Variants in KLF12 observed in about 807,000 individuals in gnomAD.
KLF12 encodes the protein Krueppel-like factor 12.
Under a neutral mutation model 37.8 loss-of-function variants are expected in KLF12, and 9 were observed. The ratio of observed to expected loss-of-function variants is 0.24; its 90% CI spans 0.14 to 0.42. The LOEUF is 0.42. KLF12 is among the 10% of genes least tolerant of loss of function. The probability of loss-of-function intolerance (pLI) is 1.00; values close to 1 mark genes in which losing one functional copy is unlikely to be tolerated. For synonymous variants in KLF12, 208 were observed against 202.1 expected (o/e 1.03, Z -0.25); for missense variants, 411 against 516.0 (o/e 0.80, Z 1.97).
At chr13:74,222,039 G>A in the KLF12 span, among the ~76,000 whole-genome samples, 1 of 152,130 alleles carries the variant, frequency 6.6e-6, no homozygotes, top group African/African-American at 2.4e-5. Context: ...CTGAATAGTT[G>A]AGTGAGAGGA....
rs71115626 is a variant in KLF12, at chr13:73,957,015, A to AGAAAGGAAAG, written c.34-12955_34-12946dup. The stretch of plus-strand genomic sequence containing the variant: ...GGGAAAGGAGGGAAAGGAAAGGAAA[A>AGAAAGGAAAG]GAAAGGAAAGGAAAGGAAAGGAAAG... On this transcript the variant is annotated intron_variant, in intron 2 of 7. Coordinates refer to ENST00000377669, the MANE Select transcript of KLF12 (RefSeq NM_007249.5). Among the ~76,000 whole-genome samples the AGAAAGGAAAG allele has an allele frequency of 3.1e-3, 270 of 87,436 alleles. 4 individuals are homozygous for AGAAAGGAAAG. The highest frequency in any genetic ancestry group is 9.3e-3 in the South Asian group (23 of 2,472). The allele number at this position is 87,436 out of a possible 152,430, so 57.4% of individuals were successfully genotyped here. A position where few individuals can be genotyped will look rare whatever the true frequency, so the allele number is the denominator to read the frequency against.
rs546215643 is a variant in KLF12 at position 73,767,656 on chromosome 13, A to G, written c.807-2656T>C. ...CATGTGTACCAACTGTTCTATTTATATACACTTACTCATCTGGAGCAGAGA... is the reference window on the plus strand; with the variant it reads ...CATGTGTACCAACTGTTCTATTTATGTACACTTACTCATCTGGAGCAGAGA... On this transcript the variant is annotated intron_variant, in intron 5 of 7. Transcript: ENST00000377669. Among the ~76,000 whole-genome samples, 12 of 152,356 alleles carry G rather than the reference A, an allele frequency of 7.9e-5. 1 individual carries two copies. The South Asian group carries it at 2.5e-3, about 32-fold the overall frequency.
intron 4 of KLF12, among the ~76,000 whole-genome samples, chr13:73,817,347 AAC>A (rs1299959550): frequency 1.4e-5 from 2 of 144,760 alleles, no homozygotes; most frequent in Non-Finnish European, 3.1e-5. Flanking sequence ...AAAAAAGAAA[AAC>A]AAAAAAAAAA....
intron 3 of KLF12, among the ~76,000 whole-genome samples, chr13:73,891,670 A>T (rs2182663): frequency 0.77 from 116,633 of 152,022 alleles, 44,893 homozygotes; most frequent in East Asian, 0.9. Flanking sequence ...GATACTATCA[A>T]CTCTTTCTGG....
intron 7 of KLF12, among the ~76,000 whole-genome samples, chr13:73,711,328 C>T (rs1485090260): frequency 6.6e-6 from 1 of 152,208 alleles, no homozygotes; most frequent in Non-Finnish European, 1.5e-5. Context: ...ATGATATACC[C>T]TCCTATTGAA....
intron 4 of KLF12, among the ~76,000 whole-genome samples, chr13:73,823,779 T>G (rs1374559033): frequency 1.3e-5 from 2 of 152,060 alleles, no homozygotes; most frequent in Non-Finnish European, 2.9e-5. Context: ...GGTGTGATCT[T>G]GGCTCACTGC....
intron 1 of KLF12, among the ~76,000 whole-genome samples, chr13:74,011,392 G>A (rs1892548040): frequency 6.6e-6 from 1 of 152,172 alleles, no homozygotes; most frequent in Admixed American, 6.5e-5. Context: ...TGTAGCTAGT[G>A]CAATTTAAGT....
intron 2 of KLF12, among the ~76,000 whole-genome samples, chr13:73,973,478 T>C (rs1374864306): frequency 1.3e-5 from 2 of 152,152 alleles, no homozygotes; most frequent in Non-Finnish European, 2.9e-5. Flanking sequence ...TTGCACAGAA[T>C]CCAGCCCAGC....
At chr13:73,830,796 T>G (rs1438942256) in intron 4 of KLF12, among the ~76,000 whole-genome samples, 3 of 152,100 alleles carry the variant, frequency 2.0e-5, no homozygotes, top group Non-Finnish European at 4.4e-5. Flanking sequence ...GCCAGATATG[T>G]CTAAAAATGA....
intron 3 of KLF12, among the ~76,000 whole-genome samples, chr13:73,941,877 T>C (rs1270883384): frequency 6.6e-6 from 1 of 152,070 alleles, no homozygotes; most frequent in African/African-American, 2.4e-5. Context: ...CCCTCCAACA[T>C]GCAGAATCTA....
chr13:73,848,858 G>C (rs956852966), intron 3 of KLF12, among the ~76,000 whole-genome samples: 1 of 152,002 alleles, frequency 6.6e-6, no homozygotes, highest in Non-Finnish European at 1.5e-5. Flanking sequence ...AGAGACAGAC[G>C]CTGGTCCTTT....
chr13:73,702,782 A>G (rs1426333277), intron 7 of KLF12, among the ~76,000 whole-genome samples: 2 of 152,162 alleles, frequency 1.3e-5, no homozygotes, highest in Non-Finnish European at 2.9e-5. Flanking sequence ...GCATATGAGG[A>G]AAAAAACAAG....
the KLF12 span, among the ~76,000 whole-genome samples, chr13:74,204,061 C>T: frequency 2.0e-5 from 3 of 152,118 alleles, no homozygotes; most frequent in Non-Finnish European, 2.9e-5. Context: ...TTTTGCAGTG[C>T]CTTCCTCTCT....
intron 3 of KLF12, among the ~76,000 whole-genome samples, chr13:73,889,419 G>A (rs1378233896): frequency 6.6e-6 from 1 of 152,148 alleles, no homozygotes; most frequent in African/African-American, 2.4e-5. Flanking sequence ...TTGCAGTAGT[G>A]TGTAATGTCT....
chr13:73,750,418 A>G (rs1878661123), intron 6 of KLF12, among the ~76,000 whole-genome samples: 1 of 152,198 alleles, frequency 6.6e-6, no homozygotes, highest in South Asian at 2.1e-4. Flanking sequence ...ACCTGCTGCC[A>G]CATGTGCTGT....
At chr13:74,167,793 A>T in the KLF12 span, among the ~76,000 whole-genome samples, 4 of 152,222 alleles carry the variant, frequency 2.6e-5, no homozygotes, top group African/African-American at 9.6e-5. Flanking sequence ...CTTTCTTATT[A>T]TCAAAACAGC....
the KLF12 span, among the ~76,000 whole-genome samples, chr13:74,141,847 T>A: frequency 6.4e-4 from 97 of 152,330 alleles, no homozygotes; most frequent in Non-Finnish European, 3.2e-4. Context: ...TGGATGGAAT[T>A]TGGAACAACC....
chr13:74,213,625 C>T, the KLF12 span, among the ~76,000 whole-genome samples: 2 of 146,250 alleles, frequency 1.4e-5, no homozygotes, highest in Admixed American at 6.9e-5. Context: ...CTTCCTCCCT[C>T]CCTCCCTTCT....
At chr13:73,819,681 T>G (rs73533810) in intron 4 of KLF12, among the ~76,000 whole-genome samples, 32,636 of 151,964 alleles carry the variant, frequency 0.21, 3,763 homozygotes, top group East Asian at 0.47. Flanking sequence ...CGTCAGATAG[T>G]AAGTGCCATA....
Sources: gnomAD v4.1 joint callset for allele counts (sites outside exome capture counted in the v4.1 genomes callset) on GRCh38, gnomAD v4.1.1 for gene constraint, MANE v1.5 for transcripts, NCBI Gene and HGNC (gene_info 2026-07-23, HGNC 2026-07-21) for gene names.